XRN1: variants seen among roughly 807,000 people sequenced by gnomAD.
The protein encoded by XRN1 is strand-exchange protein 1 homolog.
A neutral mutation model predicts 222.3 loss-of-function variants in XRN1; 67 were observed. The observed-to-expected ratio is 0.30, with a 90% CI of 0.25 to 0.37. XRN1 has a LOEUF of 0.37. XRN1 is among the 10% of genes least tolerant of loss of function. The pLI is 1.00. For synonymous variants in XRN1, 643 were observed against 652.4 expected, an observed-to-expected ratio of 0.99 and a Z score of 0.22; for missense variants, 1,707 against 2,000.2, an observed-to-expected ratio of 0.85 and a Z score of 2.80.
At chr3:142,404,472 G>A (rs1410761152) in intron 16 of XRN1, among the ~76,000 whole-genome samples, 1 of 152,082 alleles carries the variant, frequency 6.6e-6, no homozygotes, top group Non-Finnish European at 1.5e-5. Flanking sequence ...TTTTCATGAA[G>A]AGAAAAAAAT....
chr3:142,375,192 C>G (rs1040208662), intron 25 of XRN1, among the ~76,000 whole-genome samples: 2 of 152,160 alleles, frequency 1.3e-5, no homozygotes, highest in African/African-American at 4.8e-5. Flanking sequence ...TACTTTGTTA[C>G]AGGAGCTAGC....
chr3:142,400,107 G>C (rs72990441), intron 19 of XRN1, among the ~76,000 whole-genome samples: 1,669 of 152,232 alleles, frequency 0.011, 28 homozygotes, highest in African/African-American at 0.039. Flanking sequence ...GCAGGGAAAA[G>C]GGAAGGTTAC....
intron 25 of XRN1, among the ~76,000 whole-genome samples, chr3:142,375,109 C>G (rs1427126377): frequency 6.6e-6 from 1 of 152,126 alleles, no homozygotes; most frequent in Non-Finnish European, 1.5e-5. Context: ...TGCAATATCT[C>G]GATTTTGGAC....
chr3:142,317,729 T>G (rs893989358), intron 39 of XRN1, among the ~76,000 whole-genome samples: 7 of 152,220 alleles, frequency 4.6e-5, no homozygotes, highest in Admixed American at 4.6e-4. Context: ...GCCTCCTCTT[T>G]ATCTTCTCTA....
At chr3:142,382,748 G>C (rs914902991) in intron 22 of XRN1, among the ~76,000 whole-genome samples, 3 of 152,078 alleles carry the variant, frequency 2.0e-5, no homozygotes, top group Admixed American at 6.6e-5. Context: ...TCAGCAAATA[G>C]AGCTAGAAAC....
At chr3:142,436,320 T>C (rs1262163412) in intron 1 of XRN1, among the ~76,000 whole-genome samples, 1 of 152,192 alleles carries the variant, frequency 6.6e-6, no homozygotes, top group African/African-American at 2.4e-5. Flanking sequence ...ATGCAATTAT[T>C]AGGTATTAAA....
At chr3:142,331,364 G>A (rs1366431788) in intron 36 of XRN1, among the ~76,000 whole-genome samples, 1 of 151,878 alleles carries the variant, frequency 6.6e-6, no homozygotes, top group African/African-American at 2.4e-5. Flanking sequence ...AGACTTAAGA[G>A]TATGACTCAC....
rs965394286 is a variant in XRN1 at position 142,310,455 on chromosome 3, T to C, written c.*1056A>G. On this transcript the variant is annotated 3_prime_UTR_variant, in exon 41 of 41. Transcript: ENST00000392981. ...ATGCAAAGAGAGAATCCCAGCATCA[T>C]TGAACAGTTCAGCATAAAGCTAAAA... 2.0e-5 allele frequency: 3 copies of C among 152,518 alleles called. No individual in the cohort carries two copies. The highest frequency in any genetic ancestry group is 1.3e-4 in the Admixed American group (2 of 15,258). 9.4% of individuals were successfully genotyped at this position (152,518 alleles called of 1,614,324 possible).
At chr3:142,446,895 G>A (rs1006408294) in intron 1 of XRN1, among the ~76,000 whole-genome samples, 1 of 152,216 alleles carries the variant, frequency 6.6e-6, no homozygotes, top group East Asian at 1.9e-4. Context: ...CTTCATGTTC[G>A]TAAATGCCGA....
At chr3:142,440,184 C>T (rs947391413) in intron 1 of XRN1, among the ~76,000 whole-genome samples, 1 of 152,146 alleles carries the variant, frequency 6.6e-6, no homozygotes, top group African/African-American at 2.4e-5. Context: ...TCCTGGACAA[C>T]TGTCCTCCAG....
chr3:142,343,793 T>G (rs1395266826), intron 33 of XRN1, among the ~76,000 whole-genome samples: 4 of 152,178 alleles, frequency 2.6e-5, no homozygotes, highest in Non-Finnish European at 5.9e-5. Flanking sequence ...TTCATGTTTG[T>G]TGCAGCACTG....
At chr3:142,349,593 T>C (rs908244057) in intron 32 of XRN1, among the ~76,000 whole-genome samples, 1 of 152,108 alleles carries the variant, frequency 6.6e-6, no homozygotes, top group Admixed American at 6.6e-5. Context: ...GTAAGCCATA[T>C]GTTTAATTAG....
rs1378095826 is a variant in XRN1 at position 142,383,125 on chromosome 3, C to G, written c.2616+175G>C. ...AGACTAAAAGTATATGGTCTTTAGT[C>G]TTAGATATATAGTATTTAGATATAT... On this transcript the variant is annotated intron_variant, in intron 22 of 40. Transcript: ENST00000392981. 2.6e-5 allele frequency among the ~76,000 whole-genome samples: 4 copies of G among 152,212 alleles called. No homozygotes were observed. In the East Asian group the frequency reaches 7.7e-4, roughly 29 times the overall value.
At chr3:142,317,623 G>A (rs1232599331) in intron 39 of XRN1, among the ~76,000 whole-genome samples, 1 of 151,916 alleles carries the variant, frequency 6.6e-6, no homozygotes, top group Non-Finnish European at 1.5e-5. Flanking sequence ...CCAGTTTTTT[G>A]CTTGCAGAGG....
intron 37 of XRN1, among the ~76,000 whole-genome samples, chr3:142,322,084 G>A (rs1198276756): frequency 1.3e-5 from 2 of 152,152 alleles, no homozygotes; most frequent in Non-Finnish European, 2.9e-5. Context: ...AGGTTAGAGG[G>A]TATCAAGAAC....
rs778679991 is a variant in XRN1 at position 142,400,566 on chromosome 3, A to G, written c.2104-19T>C. The stretch of plus-strand genomic sequence containing the variant: ...CTACGGTCTTAAAGTAAAAGCAAAA[A>G]AGTTCATTCATGATTTCAGGTCTAA... On this transcript the variant is annotated intron_variant, in intron 18 of 40. Transcript: ENST00000392981. 5.5e-5 allele frequency: 87 copies of G among 1,589,324 alleles called. No homozygotes were observed. The highest frequency in any genetic ancestry group is 7.1e-5 in the Non-Finnish European group (83 of 1,165,386).
At chr3:142,367,293 A>G (rs2066847597) in intron 27 of XRN1, among the ~76,000 whole-genome samples, 1 of 152,124 alleles carries the variant, frequency 6.6e-6, no homozygotes, top group Non-Finnish European at 1.5e-5. Flanking sequence ...GTCTCAAAAA[A>G]AAAAAGAAAG....
At chr3:142,357,738 T>C (rs1468795681) in intron 30 of XRN1, among the ~76,000 whole-genome samples, 2 of 151,094 alleles carry the variant, frequency 1.3e-5, no homozygotes, top group African/African-American at 4.9e-5. Flanking sequence ...TCGAACGTCT[T>C]AAAAACTGTG....
chr3:142,357,111 G>C lies in XRN1; in HGVS notation c.3473C>G (p.Pro1158Arg). The C allele has an allele frequency of 6.2e-7, 1 of 1,609,160 alleles. No individual in the cohort carries two copies. The highest frequency in any genetic ancestry group is 1.1e-5 in the South Asian group (1 of 90,210). ...TGTTGGCAGTCGATAACCTCTACCA[G>C]GTGAGCATCTAAAAGTAAAAGTTAT... is the stretch of plus-strand genomic sequence containing the variant. ...FPGGLTIRCS[P>R]GRGYRLPTSA... The change falls in exon 31 of 41, where the codon CCT (proline) becomes CGT (arginine). Residue 1158 changes from proline (P) to arginine (R), a missense_variant. Physicochemically the swap from Pro to Arg is moderately radical, Grantham distance 103 (BLOSUM62 -2). Transcript: ENST00000392981.
Sources: allele counts gnomAD v4.1 joint callset (sites outside exome capture counted in the v4.1 genomes callset), GRCh38; gene constraint gnomAD v4.1.1; transcripts MANE v1.5; gene names NCBI Gene and HGNC (gene_info 2026-07-23, HGNC 2026-07-21).